Variants in DENND2A observed in about 807,000 individuals in gnomAD.
DENND2A encodes the protein DENN domain-containing protein 2A.
A neutral mutation model predicts 105.3 loss-of-function variants in DENND2A; 53 were observed. The ratio of observed to expected loss-of-function variants is 0.50; its 90% CI spans 0.40 to 0.63. DENND2A has a LOEUF of 0.63. DENND2A is among the 30% of genes least tolerant of loss of function. DENND2A has a pLI of 0.00. For missense variants in DENND2A, 1,138 were observed against 1,279.6 expected (o/e 0.89, Z 1.69); for synonymous variants, 522 against 508.4 (o/e 1.03, Z -0.36).
At chr7:140,538,429 TG>T (rs750795672) in intron 14 of DENND2A, among the ~76,000 whole-genome samples, 2 of 152,204 alleles carry the variant, frequency 1.3e-5, no homozygotes, top group African/African-American at 2.4e-5. Context: ...GGGTTGGGCA[TG>T]AGTGCATGTG....
chr7:140,535,569 CTTT>C (rs562088190), intron 14 of DENND2A, among the ~76,000 whole-genome samples: 1 of 143,524 alleles, frequency 7.0e-6, no homozygotes, highest in Non-Finnish European at 1.5e-5. Context: ...CTTCCAGCTT[CTTT>C]TTTTTTTTTT....
At chr7:140,539,094 G>A (rs1303341425) in intron 14 of DENND2A, among the ~76,000 whole-genome samples, 2 of 152,216 alleles carry the variant, frequency 1.3e-5, no homozygotes, top group Admixed American at 1.3e-4. Context: ...AAAATACTGG[G>A]ATGACAGGCG....
In DENND2A at chr7:140,527,495, G is replaced by T; in HGVS notation, c.2328C>A (p.Ser776Arg). 1 of 1,594,992 alleles carries T rather than the reference G, an allele frequency of 6.3e-7. No individual in the cohort carries two copies. Among genetic ancestry groups the T allele is most frequent in the Non-Finnish European group, 8.6e-7 (1 of 1,168,380 alleles). ...TCGCGTGGCAGCACTTGGACAGGATGCTGCAGCCGGGGAGAGAACAGGGAG... is the reference window on the plus strand; with the variant it reads ...TCGCGTGGCAGCACTTGGACAGGATTCTGCAGCCGGGGAGAGAACAGGGAG... ...RRVIFIADKLSILSKCCHAMV... is the reference protein window; with the variant it reads ...RRVIFIADKLRILSKCCHAMV... The change falls in exon 15 of 20, where the codon AGC becomes AGA. Residue 776 changes from serine to arginine, a missense_variant and splice_region_variant. Ser to Arg is a moderately radical substitution (Grantham distance 110, BLOSUM62 -1). Transcript: ENST00000496613. This position sits in a 1 kb window ranked among gnomAD's most constrained non-coding sequence, Gnocchi z 4.9.
intron 1 of DENND2A, among the ~76,000 whole-genome samples, chr7:140,627,024 C>T (rs1163833273): frequency 2.0e-5 from 3 of 152,142 alleles, no homozygotes; most frequent in Admixed American, 2.0e-4. Context: ...AATGGTAGCA[C>T]TTACTTTAAG....
At chr7:140,556,832 G>A (rs1230991601) in intron 11 of DENND2A, among the ~76,000 whole-genome samples, 1 of 152,052 alleles carries the variant, frequency 6.6e-6, no homozygotes, top group Non-Finnish European at 1.5e-5. Flanking sequence ...TATTCTCAGT[G>A]GAAAAAGATT....
Position 140,550,711 on chromosome 7 carries a change from C to T in DENND2A, c.2038-3772G>A, listed in dbSNP as rs1196164914. On this transcript the variant is annotated intron_variant, in intron 12 of 19. Coordinates refer to ENST00000496613, the MANE Select transcript of DENND2A (RefSeq NM_015689.5). ...TAATGACCTTAGGTGATCCACACCT[C>T]GGCCTCCCAAAGTGCTGGGATTACA... is the stretch of plus-strand genomic sequence containing the variant. Among the ~76,000 whole-genome samples the T allele has an allele frequency of 6.6e-5, 10 of 151,836 alleles. No individual in the cohort carries two copies. The South Asian group carries it at 1.5e-3, about 22-fold the overall frequency.
At chr7:140,609,885 TCA>T (rs986392473) in intron 1 of DENND2A, 4 of 152,182 alleles carry the variant, frequency 2.6e-5, no homozygotes, top group African/African-American at 9.7e-5. Context: ...AATTGATTAT[TCA>T]CAGTCAGTTA....
chr7:140,621,723 T>C (rs1250591670), intron 1 of DENND2A, among the ~76,000 whole-genome samples: 1 of 152,132 alleles, frequency 6.6e-6, no homozygotes, highest in African/African-American at 2.4e-5. Context: ...CAGTTTCCAT[T>C]CTCATACAGG....
intron 1 of DENND2A, among the ~76,000 whole-genome samples, chr7:140,633,170 A>C (rs913746146): frequency 6.6e-5 from 10 of 152,090 alleles, no homozygotes; most frequent in African/African-American, 2.4e-4. Flanking sequence ...CTGGGACTAT[A>C]GGCACCTGCC....
In DENND2A at chr7:140,521,212, C is replaced by T. The variant is rs550137378; in HGVS notation, c.2911+643G>A. Among the ~76,000 whole-genome samples the T allele has an allele frequency of 6.6e-5, 10 of 152,112 alleles. No individual in the cohort carries two copies. In the South Asian group the frequency reaches 8.3e-4, roughly 13 times the overall value. ...TTAAGCTTGTGTGTCTCACACCTCT[C>T]TTACCAAGTGATCTGTAAAGAGAGA... On this transcript the variant is annotated intron_variant, in intron 18 of 19. Transcript: ENST00000496613.
At chr7:140,555,922 A>C (rs1797348057) in intron 11 of DENND2A, among the ~76,000 whole-genome samples, 1 of 152,192 alleles carries the variant, frequency 6.6e-6, no homozygotes, top group African/African-American at 2.4e-5. Context: ...TTATAATGAT[A>C]ATTTCAAGTG....
At chr7:140,615,050 C>T (rs1445119042) in intron 1 of DENND2A, among the ~76,000 whole-genome samples, 1 of 151,886 alleles carries the variant, frequency 6.6e-6, no homozygotes, top group African/African-American at 2.4e-5. Context: ...TATTTTTTGT[C>T]GGGACAGTGT....
intron 14 of DENND2A, among the ~76,000 whole-genome samples, chr7:140,532,347 G>C (rs910655852): frequency 4.6e-5 from 7 of 152,168 alleles, no homozygotes; most frequent in Admixed American, 1.3e-4. Flanking sequence ...TTTATAGCAC[G>C]TTTGCCAAAG....
At chr7:140,586,909 C>CT (rs751850685) in intron 4 of DENND2A, among the ~76,000 whole-genome samples, 1 of 152,180 alleles carries the variant, frequency 6.6e-6, no homozygotes, top group Non-Finnish European at 1.5e-5. Flanking sequence ...GGGTTTCTCC[C>CT]TTTTATCAGC....
intron 1 of DENND2A, among the ~76,000 whole-genome samples, chr7:140,626,414 GAGGA>G (rs1800534095): frequency 6.6e-6 from 1 of 152,120 alleles, no homozygotes; most frequent in Admixed American, 6.5e-5. Context: ...CTGAGAATGG[GAGGA>G]AGGACCACCC....
intron 1 of DENND2A, among the ~76,000 whole-genome samples, chr7:140,637,250 C>T (rs55903003): frequency 1.1e-3 from 169 of 152,262 alleles, no homozygotes; most frequent in Middle Eastern, 6.8e-3. Context: ...AATGCACACC[C>T]CAAGATTAAA....
chr7:140,623,118 T>C (rs1025527283), intron 1 of DENND2A, among the ~76,000 whole-genome samples: 5 of 144,940 alleles, frequency 3.4e-5, no homozygotes, highest in African/African-American at 1.0e-4. Context: ...GCAGATTACC[T>C]GAACTCAGGA....
chr7:140,624,988 G>A (rs1039025276), intron 1 of DENND2A, among the ~76,000 whole-genome samples: 7 of 151,522 alleles, frequency 4.6e-5, no homozygotes, highest in Admixed American at 2.0e-4. Context: ...CTCCCAAGTA[G>A]CTGGAATGAC....
chr7:140,526,244 C>T (rs952403735), intron 15 of DENND2A, among the ~76,000 whole-genome samples: 1 of 152,146 alleles, frequency 6.6e-6, no homozygotes, highest in East Asian at 1.9e-4. Context: ...CCTGCAGACT[C>T]GGTTAGGCTT....
Sources: allele counts gnomAD v4.1 joint callset (sites outside exome capture counted in the v4.1 genomes callset), GRCh38; gene constraint gnomAD v4.1.1; non-coding constraint Gnocchi (gnomAD v3.1); transcripts MANE v1.5; gene names NCBI Gene and HGNC (gene_info 2026-07-23, HGNC 2026-07-21).